The following CACNA1G variants were observed in gnomAD, a reference collection of about 807,000 sequenced individuals.
The protein encoded by CACNA1G is voltage-dependent T-type calcium channel subunit alpha-1G.
Under a neutral mutation model 219.4 loss-of-function variants are expected in CACNA1G, and 67 were observed. The ratio of observed to expected loss-of-function variants is 0.31; its 90% confidence interval spans 0.25 to 0.37. CACNA1G has a LOEUF of 0.37. Among genes scored for constraint, CACNA1G ranks in the 10% least tolerant of loss-of-function variants. The probability of loss-of-function intolerance (pLI) is 1.00; values close to 1 mark genes in which losing one functional copy is unlikely to be tolerated. For synonymous variants in CACNA1G, 1,296 were observed against 1,345.3 expected, an observed-to-expected ratio of 0.96 and a Z score of 0.80; for missense variants, 2,380 against 3,231.4, an observed-to-expected ratio of 0.74 and a Z score of 6.39.
At position 50,613,241 on chromosome 17, in the gene CACNA1G, G is replaced by A. The variant is rs17779351; in HGVS notation, c.4760-2120G>A. Among the ~76,000 whole-genome samples, 1,013 of 152,340 alleles carry A rather than the reference G, an allele frequency of 6.6e-3. 5 individuals are homozygous for A. Among genetic ancestry groups the A allele is most frequent in the Non-Finnish European group, 0.011 (718 of 68,026 alleles). On this transcript the variant is annotated intron_variant, in intron 26 of 37. Transcript: ENST00000359106. ...CCTCTGAAAAACAAAGGGGTTGCCC[G>A]AGGAGATGCTGATCAGATTGGCCTG...
In CACNA1G at chr17:50,623,091, C is replaced by CTT. The variant is rs35688516; in HGVS notation, c.6061-795_6061-794dup. The stretch of plus-strand genomic sequence containing the variant: ...ACAGGGTCGTAGGGGCTGCTGTTGG[C>CTT]TTTTTTTTTTTTTTTTTTTTTTGAG... On this transcript the variant is annotated intron_variant, in intron 35 of 37. Transcript: ENST00000359106. Among the ~76,000 whole-genome samples, 662 of 79,388 alleles carry CTT rather than the reference C, an allele frequency of 8.3e-3. 30 individuals are homozygous for CTT. The highest frequency in any genetic ancestry group is 0.03 in the African/African-American group (517 of 17,124). 52.1% of individuals were successfully genotyped at this position (79,388 alleles called of 152,430 possible).
intron 7 of CACNA1G, among the ~76,000 whole-genome samples, chr17:50,574,242 C>A (rs1056334949): frequency 1.3e-5 from 2 of 152,162 alleles, no homozygotes; most frequent in Admixed American, 1.3e-4. Flanking sequence ...TCCATGTCAC[C>A]AAGAGGCCAA....
At chr17:50,565,445 A>C (rs1405199264) in intron 1 of CACNA1G, among the ~76,000 whole-genome samples, 1 of 151,558 alleles carries the variant, frequency 6.6e-6, no homozygotes, top group Non-Finnish European at 1.5e-5. Flanking sequence ...GAGCCCCTAC[A>C]TCCCATGTTA....
Position 50,624,343 on chromosome 17 carries a change from C to CG in CACNA1G, c.6230-17_6230-16insG. 2.1e-6 allele frequency: 3 copies of CG among 1,444,334 alleles called. No homozygotes were observed. Among genetic ancestry groups the CG allele is most frequent in the Non-Finnish European group, 2.8e-6 (3 of 1,060,022 alleles). The allele number at this position is 1,444,334 out of a possible 1,614,324, so 89.5% of individuals were successfully genotyped here. A position where few individuals can be genotyped will look rare whatever the true frequency, so the allele number is the denominator to read the frequency against. ...ATTCTCTCCCCCCACCCCTCCCCCG[C>CG]TTCCCTCCCTCCACAGGCTCCGTCT... On this transcript the variant is annotated splice_polypyrimidine_tract_variant and intron_variant, in intron 36 of 37. Coordinates refer to ENST00000359106, the MANE Select transcript of CACNA1G (RefSeq NM_018896.5).
intron 9 of CACNA1G, among the ~76,000 whole-genome samples, chr17:50,582,765 A>G (rs2145169508): frequency 6.6e-6 from 1 of 151,610 alleles, no homozygotes; most frequent in Non-Finnish European, 1.5e-5. Context: ...ACAACAGCAT[A>G]TGGGGAGAGG....
In CACNA1G at chr17:50,576,028, C is replaced by T. The variant is rs2040563978; in HGVS notation, c.1626C>T (p.Leu542=). ...LMLPPPSTPA[L]SGAPPGGAES... ...TGCCACCACCCTCGACGCCTGCCCT[C>T]TCCGGGGCCCCCCCTGGTGGCGCAG... The change falls in exon 8 of 38, where the codon CTC becomes CTT. Residue 542 remains leucine, a synonymous_variant. Transcript: ENST00000359106. 7 of 1,567,238 alleles carry T rather than the reference C, an allele frequency of 4.5e-6. No homozygotes were observed. The highest frequency in any genetic ancestry group is 6.1e-6 in the Non-Finnish European group (7 of 1,156,894).
chr17:50,605,120 C>T (rs1208416412), intron 22 of CACNA1G, among the ~76,000 whole-genome samples: 1 of 152,202 alleles, frequency 6.6e-6, no homozygotes, highest in East Asian at 1.9e-4. Flanking sequence ...TGCCCTTCCC[C>T]TTCCTCACTT....
chr17:50,582,527 G>A (rs536831512), intron 9 of CACNA1G, among the ~76,000 whole-genome samples: 30 of 152,288 alleles, frequency 2.0e-4, no homozygotes, highest in Admixed American at 3.3e-4. Context: ...TGCATACAAG[G>A]TGCCTGCGGG....
At position 50,604,169 on chromosome 17, in the gene CACNA1G, C is replaced by A; in HGVS notation, c.4184C>A (p.Ala1395Glu). 1 of 1,613,358 alleles carries A rather than the reference C, an allele frequency of 6.2e-7. No individual in the cohort carries two copies. Among genetic ancestry groups the A allele is most frequent in the Non-Finnish European group, 8.5e-7 (1 of 1,179,450 alleles). The change falls in exon 22 of 38, where the codon GCG (alanine) becomes GAG (glutamate). Residue 1395 changes from alanine (A) to glutamate (E), a missense_variant. This residue lies in a region of CACNA1G where 153 missense variants were observed against 374.9 expected (regional missense o/e 0.41). Coordinates refer to ENST00000359106, the MANE Select transcript of CACNA1G (RefSeq NM_018896.5). ...TLRPLRVISR[A>E]QGLKLVVETL... ...CCCCTCCCCAGGGTGATCAGCCGGGCGCAGGGGCTGAAGCTGGTGGTGGAG... is the reference window on the plus strand; with the variant it reads ...CCCCTCCCCAGGGTGATCAGCCGGGAGCAGGGGCTGAAGCTGGTGGTGGAG...
Position 50,578,919 on chromosome 17 carries a change from G to A in CACNA1G, c.2301+355G>A, listed in dbSNP as rs557348967. ...TGGGTCTTTGGAGAAGGTGTAGTGC[G>A]GAGGGCGGGTGTTGGAGGTCCTGTG... is the stretch of plus-strand genomic sequence containing the variant. On this transcript the variant is annotated intron_variant, in intron 9 of 37. Coordinates refer to ENST00000359106, the MANE Select transcript of CACNA1G (RefSeq NM_018896.5). This position sits in a 1 kb window ranked among gnomAD's most constrained non-coding sequence, Gnocchi z 4.5. Among the ~76,000 whole-genome samples, 6 of 152,250 alleles carry A rather than the reference G, an allele frequency of 3.9e-5. No homozygotes were observed. The East Asian group carries it at 5.8e-4, about 15-fold the overall frequency.
intron 4 of CACNA1G, among the ~76,000 whole-genome samples, chr17:50,570,362 G>A (rs1042529619): frequency 2.3e-4 from 35 of 152,172 alleles, no homozygotes; most frequent in African/African-American, 8.2e-4. Flanking sequence ...TGGAGCCAGC[G>A]AGGCTTTGGC....
Position 50,561,371 on chromosome 17 carries a change from C to T in CACNA1G, c.-89C>T. 6.6e-7 allele frequency: 1 copy of T among 1,512,320 alleles called. No individual in the cohort carries two copies. Among genetic ancestry groups the T allele is most frequent in the Non-Finnish European group, 8.9e-7 (1 of 1,129,064 alleles). 93.7% of individuals were successfully genotyped at this position (1,512,320 alleles called of 1,614,324 possible). On this transcript the variant is annotated 5_prime_UTR_variant, in exon 1 of 38. Coordinates refer to ENST00000359106, the MANE Select transcript of CACNA1G (RefSeq NM_018896.5). The stretch of plus-strand genomic sequence containing the variant: ...CTAGAGCCCACCAGATGTGCCCCCG[C>T]CGGGGCCCCCGGGTTGCGTGAGGAC...
rs2044980499 is a variant in CACNA1G, at chr17:50,594,121, G to C, written c.2911-872G>C. Among the ~76,000 whole-genome samples the C allele has an allele frequency of 2.6e-5, 4 of 152,196 alleles. No individual in the cohort carries two copies. The South Asian group carries it at 8.3e-4, about 31-fold the overall frequency. On this transcript the variant is annotated intron_variant, in intron 13 of 37. Transcript: ENST00000359106. ...AGGAGGCTTCAAGGGTAGCCCCCCT[G>C]CTGGCCTTGCTACCTTGCCAAGAGC...
At chr17:50,607,713 G>A (rs1009299658) in intron 24 of CACNA1G, 114 bp from the exon 25 acceptor site, 22 of 815,658 alleles carry the variant, frequency 2.7e-5, no homozygotes, top group African/African-American at 2.4e-4. Context: ...CATTTCCATC[G>A]CCTGTCAGGC....
rs759010321 is a variant in CACNA1G, at chr17:50,617,470, T to G, written c.5054T>G (p.Leu1685Arg). 1 of 1,613,962 alleles carries G rather than the reference T, an allele frequency of 6.2e-7. No homozygotes were observed. ...CAGCTGGACCTGGCCATTGTGCTGC[T>G]GTCCATCATGGGCATCACGCTGGAG... ...WNQLDLAIVL[L>R]SIMGITLEEI... The change falls in exon 29 of 38, where the codon CTG becomes CGG. Residue 1685 changes from leucine to arginine, a missense_variant. Coordinates refer to ENST00000359106, the MANE Select transcript of CACNA1G (RefSeq NM_018896.5). The surrounding 1 kb of genome is among the most constrained non-coding windows in gnomAD (Gnocchi z 5.8).
rs545668335 is a variant in CACNA1G, at chr17:50,599,789, G to A, written c.3620G>A (p.Arg1207His). ...QDCNGKSASG[R>H]LARALRPDDP... ...TGCAATGGCAAGTCGGCTTCAGGGC[G>A]CCTGGCCCGGGCCCTGCGGCCTGAT... is the stretch of plus-strand genomic sequence containing the variant. The change falls in exon 17 of 38, where the codon CGC (arginine) becomes CAC (histidine). Residue 1207 changes from arginine to histidine, a missense_variant. Physicochemically the swap from Arg to His is conservative, Grantham distance 29. This residue lies in a region of CACNA1G where 418 missense variants were observed against 434.3 expected (regional missense o/e 0.96). Coordinates refer to ENST00000359106, the MANE Select transcript of CACNA1G (RefSeq NM_018896.5). 1.2e-6 allele frequency: 2 copies of A among 1,612,884 alleles called. No individual in the cohort carries two copies. The highest frequency in any genetic ancestry group is 1.7e-5 in the Admixed American group (1 of 60,000).
At chr17:50,589,669 G>A (rs980088548) in intron 9 of CACNA1G, among the ~76,000 whole-genome samples, 1 of 152,134 alleles carries the variant, frequency 6.6e-6, no homozygotes, top group Admixed American at 6.5e-5. Context: ...ACTCGGGTAG[G>A]GAGCATGAAA....
intron 1 of CACNA1G, among the ~76,000 whole-genome samples, chr17:50,567,758 A>G (rs951958561): frequency 2.6e-5 from 4 of 152,034 alleles, no homozygotes; most frequent in Non-Finnish European, 5.9e-5. Context: ...TGGTCATTTA[A>G]CCGTGAGTCC....
rs752133556 is a variant in CACNA1G at position 50,601,172 on chromosome 17, G to T, written c.3913G>T (p.Ala1305Ser). The T allele has an allele frequency of 2.5e-6, 4 of 1,613,656 alleles. No individual in the cohort carries two copies. The highest frequency in any genetic ancestry group is 1.3e-5 in the African/African-American group (1 of 75,060). The change falls in exon 19 of 38, where the codon GCT (alanine) becomes TCT (serine). Residue 1305 changes from alanine (A) to serine (S), a missense_variant and splice_region_variant. Transcript: ENST00000359106. Reference sequence around the variant, plus strand: ...GCGCCCCAAAATTGACCCCCACAGCGCTGTGAGTCACCAGCCCCGCTCAGG... The same window carrying T: ...GCGCCCCAAAATTGACCCCCACAGCTCTGTGAGTCACCAGCCCCGCTCAGG... ...MERPKIDPHS[A>S]ERIFLTLSNY...
Sources: gnomAD v4.1 joint callset for allele counts (sites outside exome capture counted in the v4.1 genomes callset) on GRCh38, gnomAD v4.1.1 for gene constraint, gnomAD v4.1.1 regional missense constraint, Gnocchi (gnomAD v3.1) non-coding constraint, MANE v1.5 for transcripts, NCBI Gene and HGNC (gene_info 2026-07-23, HGNC 2026-07-21) for gene names.